CILK1: variants seen among roughly 807,000 people sequenced by gnomAD.
The protein encoded by CILK1 is serine/threonine-protein kinase ICK.
Under a neutral mutation model 79.2 loss-of-function variants are expected in CILK1, and 47 were observed. That is an observed-to-expected ratio of 0.59 (90% confidence interval 0.47 to 0.76). The LOEUF (loss-of-function observed/expected upper bound fraction) is 0.76, where lower values mean the gene tolerates loss of function less well. Among genes scored for constraint, CILK1 ranks in the 30% least tolerant of loss-of-function variants. CILK1 has a pLI of 0.00. For synonymous variants in CILK1, 266 were observed against 275.9 expected, an observed-to-expected ratio of 0.96 and a Z score of 0.36; for missense variants, 660 against 769.5, an observed-to-expected ratio of 0.86 and a Z score of 1.68.
At chr6:53,048,006 G>A (rs1767216407) in intron 1 of CILK1, among the ~76,000 whole-genome samples, 1 of 152,072 alleles carries the variant, frequency 6.6e-6, no homozygotes, top group African/African-American at 2.4e-5. Context: ...TATTATTGGA[G>A]TTCTTATTGG....
At chr6:53,037,389 A>ACATGTG (rs11269058) in intron 3 of CILK1, among the ~76,000 whole-genome samples, 1 of 49,328 alleles carries the variant, frequency 2.0e-5, no homozygotes, top group African/African-American at 5.8e-5. Flanking sequence ...ATGGCACAAA[A>ACATGTG]GAAGGACCTC....
chr6:53,032,933 A>G (rs1766066891), intron 3 of CILK1, among the ~76,000 whole-genome samples: 1 of 152,144 alleles, frequency 6.6e-6, no homozygotes, highest in Non-Finnish European at 1.5e-5. Context: ...TACCAAGGCT[A>G]TTTTGGGCCC....
Position 53,002,810 on chromosome 6 carries a change from G to A in CILK1, c.*2339C>T, listed in dbSNP as rs1764004577. 1 of 152,116 alleles carries A rather than the reference G, an allele frequency of 6.6e-6. No individual in the cohort carries two copies. The highest frequency in any genetic ancestry group is 2.1e-4 in the South Asian group (1 of 4,832). The allele number at this position is 152,116 out of a possible 1,614,324, so 9.4% of individuals were successfully genotyped here. The stretch of plus-strand genomic sequence containing the variant: ...ATTTTCTGAAGTTGGGCCCTATAAA[G>A]TATTAGAAAAACAATTTTATAATGT... On this transcript the variant is annotated 3_prime_UTR_variant, in exon 14 of 14. Transcript: ENST00000676107.
chr6:53,029,644 C>T (rs1765800066), intron 5 of CILK1, among the ~76,000 whole-genome samples: 1 of 152,186 alleles, frequency 6.6e-6, no homozygotes, highest in Non-Finnish European at 1.5e-5. Flanking sequence ...TCTAAACTAG[C>T]TACTCAGGAG....
At chr6:53,057,345 G>A (rs1256618113) in intron 1 of CILK1, among the ~76,000 whole-genome samples, 1 of 152,098 alleles carries the variant, frequency 6.6e-6, no homozygotes, top group African/African-American at 2.4e-5. Context: ...CTGGGCCATC[G>A]TTATACATTT....
At chr6:53,046,746 A>C (rs1486693515) in intron 1 of CILK1, among the ~76,000 whole-genome samples, 1 of 152,218 alleles carries the variant, frequency 6.6e-6, no homozygotes, top group Non-Finnish European at 1.5e-5. Flanking sequence ...TCTTGGGCAC[A>C]TTATGGATAA....
intron 1 of CILK1, among the ~76,000 whole-genome samples, 171 bp downstream of exon 1, chr6:53,061,425 G>A (rs1046699143): frequency 6.6e-6 from 1 of 152,236 alleles, no homozygotes; most frequent in Non-Finnish European, 1.5e-5. Flanking sequence ...TTCATACCAG[G>A]AAGGAGAGAT....
chr6:53,016,253 G>C lies in CILK1; in HGVS notation c.664-3C>G. 6.2e-7 allele frequency: 1 copy of C among 1,613,936 alleles called. No individual in the cohort carries two copies. Among genetic ancestry groups the C allele is most frequent in the Non-Finnish European group, 8.5e-7 (1 of 1,179,836 alleles). ...TGATAGCCTTCAGGCCAGTCAGTCTGAAAGAAGGAAAAGATAGAAAATCTT... is the reference window on the plus strand; with the variant it reads ...TGATAGCCTTCAGGCCAGTCAGTCTCAAAGAAGGAAAAGATAGAAAATCTT... On this transcript the variant is annotated splice_region_variant and splice_polypyrimidine_tract_variant and intron_variant, in intron 7 of 13. Coordinates refer to ENST00000676107, the MANE Select transcript of CILK1 (RefSeq NM_014920.5).
rs1203623546 is a variant in CILK1 at position 53,004,824 on chromosome 6, A to G, written c.*325T>C. 1 of 231,070 alleles carries G rather than the reference A, an allele frequency of 4.3e-6. No individual in the cohort carries two copies. The highest frequency in any genetic ancestry group is 2.3e-5 in the African/African-American group (1 of 43,252). 14.3% of individuals were successfully genotyped at this position (231,070 alleles called of 1,614,324 possible). On this transcript the variant is annotated 3_prime_UTR_variant, in exon 14 of 14. Transcript: ENST00000676107. Reference sequence around the variant, plus strand: ...TATCTGGAACCCCAAAGGAAAATCAATTAATTTTTAAAAAGTTCATTACAA... The same window carrying G: ...TATCTGGAACCCCAAAGGAAAATCAGTTAATTTTTAAAAAGTTCATTACAA...
intron 5 of CILK1, among the ~76,000 whole-genome samples, chr6:53,029,435 A>C (rs900360415): frequency 7.9e-5 from 12 of 152,330 alleles, no homozygotes; most frequent in African/African-American, 2.4e-4. Context: ...TCAGTCTTGC[A>C]TAGTACATGC....
chr6:53,051,809 A>G (rs1367052845), intron 1 of CILK1, among the ~76,000 whole-genome samples: 1 of 152,246 alleles, frequency 6.6e-6, no homozygotes, highest in Non-Finnish European at 1.5e-5. Flanking sequence ...AATCATCTAA[A>G]TTACACAGCA....
intron 1 of CILK1, among the ~76,000 whole-genome samples, chr6:53,056,510 A>C (rs1767885011): frequency 6.6e-6 from 1 of 152,210 alleles, no homozygotes; most frequent in African/African-American, 2.4e-5. Flanking sequence ...ACTGGCACAC[A>C]AGCCATAGTT....
intron 2 of CILK1, among the ~76,000 whole-genome samples, chr6:53,039,278 A>G (rs1766553561): frequency 6.6e-6 from 1 of 152,254 alleles, no homozygotes; most frequent in Non-Finnish European, 1.5e-5. Flanking sequence ...AAAAGGGCCT[A>G]TAAAAGTGAA....
intron 1 of CILK1, among the ~76,000 whole-genome samples, chr6:53,059,539 G>T (rs752750119): frequency 2.0e-5 from 3 of 152,226 alleles, no homozygotes; most frequent in Non-Finnish European, 4.4e-5. Flanking sequence ...GCACAGGAGA[G>T]TAAAGAGAAG....
chr6:53,024,833 C>CTTTTTTTTTTT (rs11399655), intron 5 of CILK1, among the ~76,000 whole-genome samples: 1 of 133,884 alleles, frequency 7.5e-6, no homozygotes, highest in Non-Finnish European at 1.6e-5. Context: ...ATAGCTAAAT[C>CTTTTTTTTTTT]TTTTTTTTTT....
At chr6:53,028,670 A>G (rs1034899715) in intron 5 of CILK1, among the ~76,000 whole-genome samples, 1 of 152,214 alleles carries the variant, frequency 6.6e-6, no homozygotes, top group African/African-American at 2.4e-5. Context: ...TGAGGCTATA[A>G]AAGCCAAGGT....
intron 8 of CILK1, among the ~76,000 whole-genome samples, chr6:53,015,205 T>G (rs942751478): frequency 6.6e-6 from 1 of 152,234 alleles, no homozygotes; most frequent in African/African-American, 2.4e-5. Flanking sequence ...ATTGGTCACT[T>G]ATATGATCCT....
At chr6:53,026,620 G>A (rs898343276) in intron 5 of CILK1, among the ~76,000 whole-genome samples, 4 of 152,142 alleles carry the variant, frequency 2.6e-5, no homozygotes, top group African/African-American at 7.2e-5. Context: ...ATGCTCCATC[G>A]GTGAGGAGGT....
chr6:53,051,107 G>A (rs1462752213), intron 1 of CILK1, among the ~76,000 whole-genome samples: 25 of 152,182 alleles, frequency 1.6e-4, no homozygotes, highest in Admixed American at 1.6e-3. Flanking sequence ...GAGTGGAGAT[G>A]AGAGTGCTAC....
Sources: gnomAD v4.1 joint callset for allele counts (sites outside exome capture counted in the v4.1 genomes callset) on GRCh38, gnomAD v4.1.1 for gene constraint, MANE v1.5 for transcripts, NCBI Gene and HGNC (gene_info 2026-07-23, HGNC 2026-07-21) for gene names.